The following CMC1 variants were observed in gnomAD, a reference collection of about 807,000 sequenced individuals.
CMC1 encodes the protein C-X9-C motif containing 1.
In CMC1, 14 loss-of-function variants were observed where a neutral mutation model predicts 14.1. The observed-to-expected ratio is 0.99, with a 90% CI of 0.66 to 1.55. The LOEUF (loss-of-function observed/expected upper bound fraction) is 1.55. Among genes scored for constraint, CMC1 ranks in the 40% most tolerant of loss-of-function variants. The probability of loss-of-function intolerance (pLI) is 0.00; values close to 1 mark genes in which losing one functional copy is unlikely to be tolerated. For synonymous variants in CMC1, 50 were observed against 38.4 expected, an observed-to-expected ratio of 1.30 and a Z score of -1.12; for missense variants, 127 against 123.8, an observed-to-expected ratio of 1.03 and a Z score of -0.12.
chr3:28,289,022 G>C (rs1159718896), intron 2 of CMC1, among the ~76,000 whole-genome samples: 1 of 151,148 alleles, frequency 6.6e-6, no homozygotes, highest in African/African-American at 2.4e-5. Flanking sequence ...TTTCCAATCA[G>C]GTCTATTTGT....
At chr3:28,257,424 A>G (rs1359455465) in intron 1 of CMC1, among the ~76,000 whole-genome samples, 1 of 152,208 alleles carries the variant, frequency 6.6e-6, no homozygotes. Context: ...GTGGTATACA[A>G]ATAGTATCAT....
intron 2 of CMC1, among the ~76,000 whole-genome samples, chr3:28,303,291 A>G (rs1310120683): frequency 1.3e-5 from 2 of 152,192 alleles, no homozygotes; most frequent in African/African-American, 4.8e-5. Context: ...AAAACAAGAA[A>G]AAGGCCACCT....
chr3:28,313,417 AATT>A (rs1281922164), intron 2 of CMC1, among the ~76,000 whole-genome samples: 63 of 152,186 alleles, frequency 4.1e-4, no homozygotes. Context: ...TAGTAATTAA[AATT>A]ATTGATAGAA....
chr3:28,319,352 C>T (rs766127263), intron 3 of CMC1, 157 bp from the exon 4 acceptor site: 5 of 715,946 alleles, frequency 7.0e-6, no homozygotes, highest in Non-Finnish European at 1.3e-5. Context: ...AGTTTGGTAG[C>T]ATAAAGTTAA....
At chr3:28,311,962 T>G (rs1426176123) in intron 2 of CMC1, among the ~76,000 whole-genome samples, 2 of 152,206 alleles carry the variant, frequency 1.3e-5, no homozygotes, top group Non-Finnish European at 2.9e-5. Context: ...CTTACCTAGT[T>G]TTATGGAAGC....
At chr3:28,249,219 T>G (rs773267445) in intron 1 of CMC1, among the ~76,000 whole-genome samples, 43 of 152,262 alleles carry the variant, frequency 2.8e-4, no homozygotes, top group Non-Finnish European at 3.8e-4. Flanking sequence ...ATATGTTAAT[T>G]ACCTAAACAT....
intron 2 of CMC1, among the ~76,000 whole-genome samples, chr3:28,300,619 C>CTT (rs539445871): frequency 8.3e-6 from 1 of 121,150 alleles, no homozygotes; most frequent in Non-Finnish European, 1.7e-5. Flanking sequence ...TCCTCCCTCC[C>CTT]TCCCTCCCTC....
chr3:28,251,901 C>A (rs1172166597), intron 1 of CMC1, among the ~76,000 whole-genome samples: 1 of 152,214 alleles, frequency 6.6e-6, no homozygotes, highest in Non-Finnish European at 1.5e-5. Flanking sequence ...TCTCAAATGT[C>A]TGCTCCTGTC....
chr3:28,285,500 G>T (rs1701126666), intron 2 of CMC1, among the ~76,000 whole-genome samples: 1 of 152,010 alleles, frequency 6.6e-6, no homozygotes, highest in African/African-American at 2.4e-5. Context: ...ACAGAGAGTG[G>T]AATAATAGAC....
rs1331598775 is a variant in CMC1 at position 28,321,020 on chromosome 3, A to C, written c.*1391A>C. ...TTTTAAGAAAGAATTTAAATAGGAC[A>C]CTAAAGAATCAATTCAAGTTCCACA... On this transcript the variant is annotated 3_prime_UTR_variant, in exon 4 of 4. Coordinates refer to ENST00000466830, the MANE Select transcript of CMC1 (RefSeq NM_182523.2). 1 of 151,496 alleles carries C rather than the reference A, an allele frequency of 6.6e-6. No homozygotes were observed. The highest frequency in any genetic ancestry group is 1.5e-5 in the Non-Finnish European group (1 of 67,618). The allele number at this position is 151,496 out of a possible 1,614,324, so 9.4% of individuals were successfully genotyped here.
intron 2 of CMC1, among the ~76,000 whole-genome samples, chr3:28,306,411 C>G (rs1297548048): frequency 1.3e-5 from 2 of 151,914 alleles, no homozygotes; most frequent in Non-Finnish European, 2.9e-5. Flanking sequence ...GGCCAGATGT[C>G]TACCTAGGTA....
intron 2 of CMC1, among the ~76,000 whole-genome samples, chr3:28,274,212 G>GTTTT (rs376321066): frequency 0.098 from 8,399 of 85,842 alleles, 808 homozygotes; most frequent in Non-Finnish European, 0.13. Flanking sequence ...AAGTGTTTTT[G>GTTTT]TTTTTTTCTT....
Position 28,248,950 on chromosome 3 carries a change from C to T in CMC1, c.19+7138C>T, listed in dbSNP as rs1307336870. Among the ~76,000 whole-genome samples, 7 of 152,082 alleles carry T rather than the reference C, an allele frequency of 4.6e-5. No homozygotes were observed. The South Asian group carries it at 8.3e-4, about 18-fold the overall frequency. On this transcript the variant is annotated intron_variant, in intron 1 of 3. Coordinates refer to ENST00000466830, the MANE Select transcript of CMC1 (RefSeq NM_182523.2). Reference sequence around the variant, plus strand: ...GACTACAGGCGCCCACCACCATGTCCGGCTAATTTTTTTGTATTTTTAGTA... The same window carrying T: ...GACTACAGGCGCCCACCACCATGTCTGGCTAATTTTTTTGTATTTTTAGTA...
chr3:28,290,648 T>A (rs969819574), intron 2 of CMC1, among the ~76,000 whole-genome samples: 4 of 152,146 alleles, frequency 2.6e-5, no homozygotes, highest in African/African-American at 7.2e-5. Context: ...TTTTGGTTTG[T>A]ACATTTTTTT....
Position 28,290,116 on chromosome 3 carries a change from C to G in CMC1, c.110-26217C>G, listed in dbSNP as rs142999501. Among the ~76,000 whole-genome samples, 1,153 of 152,188 alleles carry G rather than the reference C, an allele frequency of 7.6e-3. 15 individuals carry two copies. The highest frequency in any genetic ancestry group is 0.026 in the African/African-American group (1,065 of 41,532). On this transcript the variant is annotated intron_variant, in intron 2 of 3. Coordinates refer to ENST00000466830, the MANE Select transcript of CMC1 (RefSeq NM_182523.2). Reference sequence around the variant, plus strand: ...CTTGTATGAAAGTACAGTTATACTTCCCCCACCTTTTCTCTTTCAGGTCCC... The same window carrying G: ...CTTGTATGAAAGTACAGTTATACTTGCCCCACCTTTTCTCTTTCAGGTCCC...
In CMC1 at chr3:28,277,547, T is replaced by C. The variant is rs188889780; in HGVS notation, c.109+14167T>C. ...AACATTATTAGTAAATATAAGTGCC[T>C]TAAAGAAAAATAAATTTTGATAAGG... On this transcript the variant is annotated intron_variant, in intron 2 of 3. Coordinates refer to ENST00000466830, the MANE Select transcript of CMC1 (RefSeq NM_182523.2). Among the ~76,000 whole-genome samples the C allele has an allele frequency of 4.5e-4, 68 of 152,258 alleles. 1 individual carries two copies. The highest frequency in any genetic ancestry group is 2.4e-3 in the Admixed American group (36 of 15,280).
At chr3:28,272,043 G>C (rs1042089284) in intron 2 of CMC1, among the ~76,000 whole-genome samples, 1 of 152,028 alleles carries the variant, frequency 6.6e-6, no homozygotes, top group Non-Finnish European at 1.5e-5. Flanking sequence ...TTGGTGTATA[G>C]GAATGCTTGT....
At chr3:28,270,154 T>G (rs1248811566) in intron 2 of CMC1, among the ~76,000 whole-genome samples, 2 of 152,248 alleles carry the variant, frequency 1.3e-5, no homozygotes, top group Non-Finnish European at 2.9e-5. Flanking sequence ...TTATCTGGTC[T>G]ATCATGGATG....
chr3:28,248,162 C>G (rs1378251261), intron 1 of CMC1, among the ~76,000 whole-genome samples: 1 of 151,990 alleles, frequency 6.6e-6, no homozygotes, highest in Non-Finnish European at 1.5e-5. Context: ...CTATATGTAA[C>G]AAATAATTGG....
Sources: allele counts gnomAD v4.1 joint callset (sites outside exome capture counted in the v4.1 genomes callset), GRCh38; gene constraint gnomAD v4.1.1; transcripts MANE v1.5; gene names NCBI Gene and HGNC (gene_info 2026-07-23, HGNC 2026-07-21).